The following MIR17HG variants were observed in gnomAD, a reference collection of about 807,000 sequenced individuals.
The protein encoded by MIR17HG is miR-17-92a-1 cluster host gene, also known as MIR17 host gene (non-protein coding).
At chr13:91,350,397 T>C (rs1162351930) in intron 3 of MIR17HG, 1 of 334,336 alleles carries the variant, frequency 3.0e-6, no homozygotes, top group Non-Finnish European at 5.9e-6. Flanking sequence ...GATTGCCTTC[T>C]GTAAAGAATT....
At chr13:91,348,730 G>A (rs1875100795) in intron 1 of MIR17HG, among the ~76,000 whole-genome samples, 1 of 150,586 alleles carries the variant, frequency 6.6e-6, no homozygotes, top group Non-Finnish European at 1.5e-5. Context: ...TGGGAGTGTG[G>A]CGCGGGAGGG....
intron 3 of MIR17HG, chr13:91,351,464 A>C (rs537481270): frequency 4.6e-5 from 21 of 459,076 alleles, no homozygotes; most frequent in South Asian, 3.4e-4. Context: ...TAAATGTACA[A>C]GATACATGAA....
intron 1 of MIR17HG, chr13:91,348,082 C>T (rs983807508): frequency 7.2e-6 from 1 of 138,346 alleles, no homozygotes; most frequent in Admixed American, 7.4e-5. Flanking sequence ...GCGGCGTGGC[C>T]GGGGCGGGTC....
At chr13:91,348,916 CCGGGCTCG>C in intron 1 of MIR17HG, among the ~76,000 whole-genome samples, 1 of 149,170 alleles carries the variant, frequency 6.7e-6, no homozygotes, top group South Asian at 2.1e-4. Context: ...CCCCTCTGGG[CCGGGCTCG>C]GGGGGGCTGG....
chr13:91,351,963 C>A (rs1875340265), intron 3 of MIR17HG: 1 of 153,298 alleles, frequency 6.5e-6, no homozygotes, highest in African/African-American at 2.4e-5. Flanking sequence ...GATTTATAAG[C>A]TATAAATGAC....
intron 3 of MIR17HG, among the ~76,000 whole-genome samples, chr13:91,352,669 A>G (rs1274784942): frequency 6.6e-6 from 1 of 152,206 alleles, no homozygotes; most frequent in Non-Finnish European, 1.5e-5. Flanking sequence ...GAAAACATAA[A>G]TTTTCAGGAT....
chr13:91,353,276 A>G (rs1196573090), intron 3 of MIR17HG, among the ~76,000 whole-genome samples: 2 of 152,190 alleles, frequency 1.3e-5, no homozygotes, highest in Non-Finnish European at 2.9e-5. Context: ...ATGTAAGTCA[A>G]ATATGTTTTA....
chr13:91,353,090 C>T (rs1875405632), intron 3 of MIR17HG, among the ~76,000 whole-genome samples: 1 of 100,832 alleles, frequency 9.9e-6, no homozygotes. Flanking sequence ...AGCCTGGGCG[C>T]AAGACCAAGA....
chr13:91,351,017 A>G (rs1566344473), intron 3 of MIR17HG: 2 of 528,544 alleles, frequency 3.8e-6, no homozygotes, highest in Middle Eastern at 3.2e-4. Flanking sequence ...GTGTACTTTT[A>G]TTGTGTCGAT....
intron 1 of MIR17HG, chr13:91,349,550 C>G (rs1036112669): frequency 6.6e-6 from 1 of 152,076 alleles, no homozygotes; most frequent in Admixed American, 6.5e-5. Context: ...TTAAATCCTG[C>G]TAGTATTGCT....
At chr13:91,352,941 T>A (rs1875394950) in intron 3 of MIR17HG, among the ~76,000 whole-genome samples, 3 of 151,624 alleles carry the variant, frequency 2.0e-5, no homozygotes, top group Admixed American at 2.0e-4. Context: ...AAACGCTGTC[T>A]CTACTAAAAA....
intron 3 of MIR17HG, among the ~76,000 whole-genome samples, chr13:91,353,318 G>A (rs1875421343): frequency 6.6e-6 from 1 of 152,122 alleles, no homozygotes; most frequent in Non-Finnish European, 1.5e-5. Context: ...TTTCTCCCTA[G>A]AGACTGAAAC....
chr13:91,348,887 C>T (rs1875115547), intron 1 of MIR17HG, among the ~76,000 whole-genome samples: 1 of 148,652 alleles, frequency 6.7e-6, no homozygotes, highest in Admixed American at 6.7e-5. Flanking sequence ...CGACGGGCAC[C>T]GCGGCCGCGG....
intron 1 of MIR17HG, among the ~76,000 whole-genome samples, chr13:91,348,230 C>G (rs1450431249): frequency 2.7e-5 from 4 of 150,012 alleles, no homozygotes; most frequent in Non-Finnish European, 4.5e-5. Context: ...GCCCGGGACC[C>G]GCGCAGACCC....
In MIR17HG at chr13:91,354,568, T is replaced by C. The variant is rs955943126; in HGVS notation, n.920T>C. 4.3e-4 allele frequency: 66 copies of C among 152,306 alleles called. No homozygotes were observed. The highest frequency in any genetic ancestry group is 1.5e-3 in the African/African-American group (62 of 41,572). 9.4% of individuals were successfully genotyped at this position (152,306 alleles called of 1,614,324 possible). On this transcript the variant is annotated non_coding_transcript_exon_variant, in exon 4 of 4. Transcript: ENST00000400282. ...AGAACGAGAATATTGAAATAAAAAC[T>C]TCAAGGTTATTATCGCAGTTTTTAT... is the stretch of plus-strand genomic sequence containing the variant.
rs772438591 is a variant in MIR17HG at position 91,351,097 on chromosome 13, T to G, written n.284+871T>G. ...TAAAGTGCTTATAGTGCAGGTAGTG[T>G]TTAGTTATCTACTGCATTATGAGCA... On this transcript the variant is annotated intron_variant and non_coding_transcript_variant, in intron 3 of 3. Coordinates refer to ENST00000400282, the Ensembl canonical transcript of MIR17HG. 4.4e-5 allele frequency: 23 copies of G among 524,440 alleles called. No individual in the cohort carries two copies. In the Admixed American group the frequency reaches 4.5e-4, roughly 10 times the overall value. 32.5% of individuals were successfully genotyped at this position (524,440 alleles called of 1,614,324 possible).
chr13:91,351,229 C>T (rs771220050), intron 3 of MIR17HG: 4 of 529,804 alleles, frequency 7.5e-6, no homozygotes, highest in Admixed American at 5.8e-5. Flanking sequence ...TTGCATCCAG[C>T]TGTGTGATAT....
At chr13:91,352,183 G>A (rs1253820258) in intron 3 of MIR17HG, 1 of 152,150 alleles carries the variant, frequency 6.6e-6, no homozygotes, top group Non-Finnish European at 1.5e-5. Context: ...GCCAGACTTT[G>A]GCAACAGTGA....
rs139418718 is a variant in MIR17HG, at chr13:91,351,555, C to T, written n.284+1329C>T. ...CAAAAACATTTCACTTTTGGGGTTG[C>T]GTGTCAGATTTGGCAGTATAAATTC... On this transcript the variant is annotated intron_variant and non_coding_transcript_variant, in intron 3 of 3. Coordinates refer to ENST00000400282, the Ensembl canonical transcript of MIR17HG. 45 of 327,012 alleles carry T rather than the reference C, an allele frequency of 1.4e-4. No individual in the cohort carries two copies. In the East Asian group the frequency reaches 2.2e-3, roughly 16 times the overall value. 20.3% of individuals were successfully genotyped at this position (327,012 alleles called of 1,614,324 possible).
Sources: gnomAD v4.1 joint callset for allele counts (sites outside exome capture counted in the v4.1 genomes callset) on GRCh38, gnomAD v4.1.1 for gene constraint, MANE v1.5 for transcripts, NCBI Gene and HGNC (gene_info 2026-07-23, HGNC 2026-07-21) for gene names.